Variants in CACNG6 observed in about 807,000 individuals in gnomAD.
CACNG6 encodes the protein calcium voltage-gated channel auxiliary subunit gamma 6.
CACNG6 carries 21 observed loss-of-function variants against 23.9 expected under a neutral mutation model. That is an observed-to-expected ratio of 0.88 (90% confidence interval 0.62 to 1.26). The LOEUF (loss-of-function observed/expected upper bound fraction) is 1.26. Among genes scored for constraint, CACNG6 ranks in the 50% most tolerant of loss-of-function variants. The pLI is 0.00. For missense variants in CACNG6, 340 were observed against 352.9 expected (o/e 0.96, Z 0.29); for synonymous variants, 182 against 168.9 (o/e 1.08, Z -0.60).
intron 3 of CACNG6, among the ~76,000 whole-genome samples, chr19:54,010,581 A>G (rs2069695182): frequency 6.6e-6 from 1 of 151,896 alleles, no homozygotes; most frequent in South Asian, 2.1e-4. Flanking sequence ...TTATTTATTT[A>G]TATATTTTTA....
At chr19:54,005,472 C>G (rs1222011121) in intron 3 of CACNG6, among the ~76,000 whole-genome samples, 1 of 149,852 alleles carries the variant, frequency 6.7e-6, no homozygotes, top group Non-Finnish European at 1.5e-5. Flanking sequence ...ATAAAATAAA[C>G]TGGCCGGGCA....
rs900606667 is a variant in CACNG6, at chr19:54,012,545, C to G, written c.*356C>G. The G allele has an allele frequency of 2.5e-5, 5 of 201,912 alleles. No individual in the cohort carries two copies. The highest frequency in any genetic ancestry group is 9.3e-5 in the African/African-American group (4 of 43,122). The allele number at this position is 201,912 out of a possible 1,614,324, so 12.5% of individuals were successfully genotyped here. ...GCCCCTTCATTTCCCAGGTCTGGAT[C>G]GATTCACTTGCCGGGAGAGACTTTT... On this transcript the variant is annotated 3_prime_UTR_variant, in exon 4 of 4. Transcript: ENST00000252729.
At position 54,009,982 on chromosome 19, in the gene CACNG6, A is replaced by AC. The variant is rs555189778; in HGVS notation, c.545-1965dup. ...AATATGACTTTATCTTTATTTTGTGACCCCTCCCCCTCTATCACTCTTTTA... is the reference window on the plus strand; with the variant it reads ...AATATGACTTTATCTTTATTTTGTGACCCCCTCCCCCTCTATCACTCTTTTA... On this transcript the variant is annotated intron_variant, in intron 3 of 3. Coordinates refer to ENST00000252729, the MANE Select transcript of CACNG6 (RefSeq NM_145814.2). 3.4e-5 allele frequency among the ~76,000 whole-genome samples: 5 copies of AC among 146,988 alleles called. No homozygotes were observed. The South Asian group carries it at 6.5e-4, about 19-fold the overall frequency.
At chr19:54,011,088 C>T (rs2069701217) in intron 3 of CACNG6, among the ~76,000 whole-genome samples, 1 of 150,542 alleles carries the variant, frequency 6.6e-6, no homozygotes, top group South Asian at 2.1e-4. Context: ...CACGGTGGCT[C>T]TCACCTGTCA....
At chr19:54,002,267 GTTTTTTT>G (rs2069584268) in intron 3 of CACNG6, among the ~76,000 whole-genome samples, 2 of 131,932 alleles carry the variant, frequency 1.5e-5, no homozygotes, top group African/African-American at 6.7e-5. Flanking sequence ...CTAATTTTCG[GTTTTTTT>G]GTTTTTTTTG....
Position 54,012,017 on chromosome 19 carries a change from G to A in CACNG6, c.611G>A (p.Ser204Asn). The change falls in exon 4 of 4, where the codon AGC (serine) becomes AAC (asparagine). Residue 204 changes from serine (S) to asparagine (N), a missense_variant. Physicochemically the swap from Ser to Asn is conservative, Grantham distance 46. Coordinates refer to ENST00000252729, the MANE Select transcript of CACNG6 (RefSeq NM_145814.2). ...HSVRALLQRV[S>N]PEPPPAPRLT... is the part of the protein sequence containing the mutation. ...GTGAGGGCCCTGCTGCAGAGAGTCA[G>A]CCCGGAGCCTCCCCCGGCCCCACGC... The A allele has an allele frequency of 6.2e-7, 1 of 1,605,040 alleles. No individual in the cohort carries two copies.
In CACNG6 at chr19:53,994,265, G is replaced by A. The variant is rs191475485; in HGVS notation, c.331+1057G>A. Among the ~76,000 whole-genome samples, 15 of 152,234 alleles carry A rather than the reference G, an allele frequency of 9.9e-5. 1 individual carries two copies. The highest frequency in any genetic ancestry group is 3.6e-4 in the African/African-American group (15 of 41,540). ...TCACCAGACGCCTCCCAACACCCGA[G>A]GGCAGACCTTGTTCCTTCCCTGCAA... On this transcript the variant is annotated intron_variant, in intron 1 of 3. Transcript: ENST00000252729.
chr19:54,008,328 G>A (rs937812241), intron 3 of CACNG6, among the ~76,000 whole-genome samples: 2 of 152,180 alleles, frequency 1.3e-5, no homozygotes, highest in African/African-American at 4.8e-5. Flanking sequence ...ACTCCAGCCT[G>A]GATGACAGAG....
At chr19:54,000,626 T>TG (rs1397887704) in intron 3 of CACNG6, among the ~76,000 whole-genome samples, 2 of 152,184 alleles carry the variant, frequency 1.3e-5, no homozygotes, top group Admixed American at 1.3e-4. Flanking sequence ...TCTCCCAGGC[T>TG]GGAGTGTAAT....
chr19:53,999,141 T>C (rs184861405), intron 2 of CACNG6, among the ~76,000 whole-genome samples: 29 of 152,206 alleles, frequency 1.9e-4, no homozygotes, highest in Non-Finnish European at 2.5e-4. Context: ...GCTGGGATTA[T>C]AGGTGTGAGC....
At chr19:54,005,017 C>T (rs924479053) in intron 3 of CACNG6, among the ~76,000 whole-genome samples, 1 of 150,900 alleles carries the variant, frequency 6.6e-6, no homozygotes, top group African/African-American at 2.4e-5. Flanking sequence ...GGAGACCAGC[C>T]TGACTACCAT....
chr19:54,009,465 A>T (rs1228522448), intron 3 of CACNG6, among the ~76,000 whole-genome samples: 1 of 151,670 alleles, frequency 6.6e-6, no homozygotes, highest in Non-Finnish European at 1.5e-5. Flanking sequence ...AAAAAAAAAA[A>T]AATTAGCCAG....
intron 3 of CACNG6, among the ~76,000 whole-genome samples, chr19:54,011,321 A>G (rs2069710134): frequency 6.9e-6 from 1 of 145,144 alleles, no homozygotes; most frequent in African/African-American, 2.6e-5. Context: ...AGTCGCTTGA[A>G]CCCCAGCTAC....
At chr19:53,996,471 C>T (rs1162731354) in intron 1 of CACNG6, among the ~76,000 whole-genome samples, 1 of 151,712 alleles carries the variant, frequency 6.6e-6, no homozygotes, top group East Asian at 1.9e-4. Context: ...CAGCTCACTG[C>T]AACCTCTGCT....
intron 3 of CACNG6, among the ~76,000 whole-genome samples, chr19:54,004,856 C>T (rs889148595): frequency 2.6e-5 from 4 of 152,084 alleles, no homozygotes; most frequent in African/African-American, 9.7e-5. Flanking sequence ...CAGCACTGAC[C>T]ATCGTGTCTA....
At chr19:53,999,156 G>A (rs777990569) in intron 2 of CACNG6, among the ~76,000 whole-genome samples, 3 of 152,152 alleles carry the variant, frequency 2.0e-5, no homozygotes, top group Non-Finnish European at 2.9e-5. Flanking sequence ...GTGAGCCACC[G>A]CACCTGGTCC....
At chr19:53,991,426 GA>G, upstream of CACNG6, among the ~76,000 whole-genome samples, 1 of 152,050 alleles carries the variant, frequency 6.6e-6, no homozygotes, top group South Asian at 2.1e-4. Flanking sequence ...TTAGTGAAAT[GA>G]AAGTCCCATC....
chr19:54,012,032 C>G lies in CACNG6; in HGVS notation c.626C>G (p.Pro209Arg). 6.2e-7 allele frequency: 1 copy of G among 1,605,962 alleles called. No individual in the cohort carries two copies. The highest frequency in any genetic ancestry group is 8.5e-7 in the Non-Finnish European group (1 of 1,176,776). Residue 209 changes from proline to arginine, a missense_variant, in exon 4 of 4, where the codon CCG becomes CGG. Physicochemically the swap from Pro to Arg is moderately radical, Grantham distance 103. Coordinates refer to ENST00000252729, the MANE Select transcript of CACNG6 (RefSeq NM_145814.2). ...CAGAGAGTCAGCCCGGAGCCTCCCC[C>G]GGCCCCACGCCTCACCTACGAGTAC... Reference protein sequence around the residue: ...LLQRVSPEPPPAPRLTYEYSW... With the variant: ...LLQRVSPEPPRAPRLTYEYSW...
chr19:54,006,283 T>A, intron 3 of CACNG6, among the ~76,000 whole-genome samples: 1 of 151,286 alleles, frequency 6.6e-6, no homozygotes, highest in Non-Finnish European at 1.5e-5. Context: ...CTCTATTTAT[T>A]TATGCCCGTA....
Sources: gnomAD v4.1 joint callset for allele counts (sites outside exome capture counted in the v4.1 genomes callset) on GRCh38, gnomAD v4.1.1 for gene constraint, MANE v1.5 for transcripts, NCBI Gene and HGNC (gene_info 2026-07-23, HGNC 2026-07-21) for gene names.